PLCB2: variants seen among roughly 807,000 people sequenced by gnomAD.
PLCB2 encodes the protein 1-phosphatidylinositol 4,5-bisphosphate phosphodiesterase beta-2.
PLCB2 carries 115 observed loss-of-function variants against 141.7 expected under a neutral mutation model. The ratio of observed to expected loss-of-function variants is 0.81; its 90% CI spans 0.70 to 0.95. PLCB2 has a LOEUF of 0.95. Ranked by LOEUF, PLCB2 falls within the 40% of genes least tolerant of loss-of-function variation. The pLI is 0.00. For missense variants in PLCB2, 1,403 were observed against 1,541.1 expected (o/e 0.91, Z 1.50); for synonymous variants, 603 against 595.6 (o/e 1.01, Z -0.18).
chr15:40,297,722 C>G lies in PLCB2; in HGVS notation c.1239-117G>C. On this transcript the variant is annotated intron_variant, in intron 12 of 31. Coordinates refer to ENST00000260402, the MANE Select transcript of PLCB2 (RefSeq NM_004573.3). The surrounding 1 kb of genome is among the most constrained non-coding windows in gnomAD (Gnocchi z 4.2). ...CCAGGAGGTCAGGGAGGCTGGGACTCGAGCAGGAGAACATGAGGCCTTAGG... is the reference window on the plus strand; with the variant it reads ...CCAGGAGGTCAGGGAGGCTGGGACTGGAGCAGGAGAACATGAGGCCTTAGG... 1.0e-6 allele frequency: 1 copy of G among 977,018 alleles called. No individual in the cohort carries two copies. The highest frequency in any genetic ancestry group is 1.6e-6 in the Non-Finnish European group (1 of 627,042). The allele number at this position is 977,018 out of a possible 1,614,324, so 60.5% of individuals were successfully genotyped here.
intron 29 of PLCB2, among the ~76,000 whole-genome samples, 157 bp downstream of exon 29, chr15:40,290,420 A>C (rs1159841210): frequency 6.6e-6 from 1 of 152,212 alleles, no homozygotes; most frequent in Non-Finnish European, 1.5e-5. Context: ...TTGTCTGAGG[A>C]GGACACTCTG....
At chr15:40,286,159 C>G (rs1350731483), downstream of PLCB2, 1 of 530,886 alleles carries the variant, frequency 1.9e-6, no homozygotes. Flanking sequence ...GAATTAGAAG[C>G]TGTCGCTTAG....
In PLCB2 at chr15:40,299,218, A is replaced by G; in HGVS notation, c.593T>C (p.Ile198Thr). 1 of 1,612,210 alleles carries G rather than the reference A, an allele frequency of 6.2e-7. No homozygotes were observed. The change falls in exon 8 of 32, where the codon ATC becomes ACC. Residue 198 changes from isoleucine to threonine, a missense_variant. Physicochemically the swap from Ile to Thr is moderately conservative, Grantham distance 89. Transcript: ENST00000260402. ...AGGTTCTGGGAAGTCCTCAGGATTG[A>G]TGGCGTCATTCTAGGGGCATAGTAA... Reference protein sequence around the residue: ...CHLPKGKNDAINPEDFPEPVY... With the variant: ...CHLPKGKNDATNPEDFPEPVY...
At position 40,296,408 on chromosome 15, in the gene PLCB2, G is replaced by T. The variant is rs188752600; in HGVS notation, c.1600-16C>A. 5 of 1,613,680 alleles carry T rather than the reference G, an allele frequency of 3.1e-6. No individual in the cohort carries two copies. In the Admixed American group the frequency reaches 8.3e-5, roughly 27 times the overall value. ...CCGCTGTGCCCTAAGGAGAAGAGGGGAGGGCAAAGAAGAGGAGGATGGTGC... is the reference window on the plus strand; with the variant it reads ...CCGCTGTGCCCTAAGGAGAAGAGGGTAGGGCAAAGAAGAGGAGGATGGTGC... On this transcript the variant is annotated splice_polypyrimidine_tract_variant and intron_variant, in intron 15 of 31. Transcript: ENST00000260402.
At chr15:40,289,106 G>A in intron 31 of PLCB2, 166 bp downstream of exon 31, 1 of 1,014,096 alleles carries the variant, frequency 9.9e-7, no homozygotes, top group Non-Finnish European at 1.4e-6. Flanking sequence ...TCCTAACCAG[G>A]CGGAGATCTG....
chr15:40,301,975 G>A lies in PLCB2; in HGVS notation c.564C>T (p.Cys188=). The A allele has an allele frequency of 2.5e-6, 4 of 1,613,940 alleles. No homozygotes were observed. The highest frequency in any genetic ancestry group is 3.4e-6 in the Non-Finnish European group (4 of 1,179,820). ...RKRVEAALSA[C]HLPKGKNDAI... ...CACTCACTTTGCCTTTGGGGAGGTG[G>A]CAGGCACTGAGAGCAGCTTCCACCC... The change falls in exon 7 of 32, where the codon TGC becomes TGT. Residue 188 remains cysteine, a synonymous_variant. Transcript: ENST00000260402.
chr15:40,289,538 A>G (rs1287420556), intron 30 of PLCB2, 180 bp from the exon 31 acceptor site: 3 of 608,862 alleles, frequency 4.9e-6, no homozygotes, highest in Non-Finnish European at 8.8e-6. Context: ...GTAAAAGATT[A>G]TACAAGACAG....
At position 40,297,866 on chromosome 15, in the gene PLCB2, TG is replaced by T; in HGVS notation, c.1238+10del. On this transcript the variant is annotated intron_variant, in intron 12 of 31. Coordinates refer to ENST00000260402, the MANE Select transcript of PLCB2 (RefSeq NM_004573.3). This position sits in a 1 kb window ranked among gnomAD's most constrained non-coding sequence, Gnocchi z 4.2. ...GGGTGAGAATGTGGCTGAATGGGCC[TG>T]GATACGCACGAGTCCACATGGTTCT... 1 of 1,608,076 alleles carries T rather than the reference TG, an allele frequency of 6.2e-7. No homozygotes were observed. Among genetic ancestry groups the T allele is most frequent in the Non-Finnish European group, 8.5e-7 (1 of 1,174,686 alleles).
chr15:40,290,637 T>G lies in PLCB2; in HGVS notation c.3149A>C (p.Lys1050Thr), dbSNP rs1446259907. Residue 1050 changes from lysine (K) to threonine (T), a missense_variant, in exon 29 of 32, where the codon AAG (lysine) becomes ACG (threonine). By Grantham distance (78) the Lys-to-Thr change is moderately conservative. Transcript: ENST00000260402. The part of the protein sequence containing the change: ...TKEMKKKLET[K>T]RLERIQGMTK... ...CATGCCCTGGATCCGCTCCAGTCTC[T>G]TTGTCTCCAGCTTTTTCTTCATCTC... 1.2e-6 allele frequency: 2 copies of G among 1,614,100 alleles called. No individual in the cohort carries two copies. Among genetic ancestry groups the G allele is most frequent in the East Asian group, 4.5e-5 (2 of 44,864 alleles).
At chr15:40,290,972 G>C in intron 27 of PLCB2, 46 bp downstream of exon 27, 1 of 1,547,246 alleles carries the variant, frequency 6.5e-7, no homozygotes, top group Non-Finnish European at 8.7e-7. Context: ...ATGGGGGGTG[G>C]GGTCGGTGGG....
intron 1 of PLCB2, among the ~76,000 whole-genome samples, chr15:40,305,842 G>A (rs1387779275): frequency 6.6e-6 from 1 of 152,192 alleles, no homozygotes; most frequent in Admixed American, 6.5e-5. Context: ...TGCCTAGAGG[G>A]GCCTTGAGCA....
intron 18 of PLCB2, 146 bp from the exon 19 acceptor site, chr15:40,294,566 G>A (rs560529985): frequency 1.3e-6 from 1 of 782,546 alleles, no homozygotes; most frequent in African/African-American, 1.7e-5. Flanking sequence ...TCCCAGTCTG[G>A]TTCCTTGCAG....
At chr15:40,298,035 T>G in intron 11 of PLCB2, 76 bp from the exon 12 acceptor site, 1 of 1,260,532 alleles carries the variant, frequency 7.9e-7, no homozygotes, top group Non-Finnish European at 1.1e-6. Flanking sequence ...TTTTCCCCCC[T>G]GCCTAGTTTC....
rs1304264999 is a variant in PLCB2 at position 40,296,316 on chromosome 15, A to C, written c.1676T>G (p.Val559Gly). The change falls in exon 16 of 32, where the codon GTC (valine) becomes GGC (glycine). Residue 559 changes from valine (V) to glycine (G), a missense_variant. Physicochemically the swap from Val to Gly is moderately radical, Grantham distance 109. Around this residue, in one of 4 missense-constraint regions of PLCB2, gnomAD observed 975 missense variants for 1,141.1 expected, o/e 0.85. Coordinates refer to ENST00000260402, the MANE Select transcript of PLCB2 (RefSeq NM_004573.3). ...CTTACGGGCAGAGAACTCAAAGGAGACGAACTTGGTGGGCTGGATGTAATT... is the reference window on the plus strand; with the variant it reads ...CTTACGGGCAGAGAACTCAAAGGAGCCGAACTTGGTGGGCTGGATGTAATT... ...LVNYIQPTKF[V>G]SFEFSAQKNR... is the part of the protein sequence containing the mutation. The C allele has an allele frequency of 6.2e-7, 1 of 1,613,414 alleles. No individual in the cohort carries two copies. Among genetic ancestry groups the C allele is most frequent in the Non-Finnish European group, 8.5e-7 (1 of 1,179,704 alleles).
intron 3 of PLCB2, 53 bp downstream of exon 3, chr15:40,303,233 GCC>G: frequency 7.8e-7 from 1 of 1,288,980 alleles, no homozygotes; most frequent in Non-Finnish European, 1.1e-6. Flanking sequence ...CCCTGCCCTT[GCC>G]CCATGGAGCT....
intron 10 of PLCB2, 23 bp from the exon 11 acceptor site, chr15:40,298,403 G>A: frequency 6.3e-7 from 1 of 1,575,716 alleles, no homozygotes; most frequent in South Asian, 1.2e-5. Context: ...ATGGGGAAGA[G>A]GTGAGGGCAT....
At chr15:40,294,159 T>G (rs531742782) in intron 19 of PLCB2, 107 bp downstream of exon 19, 1 of 1,149,788 alleles carries the variant, frequency 8.7e-7, no homozygotes, top group Admixed American at 1.9e-5. Context: ...GGCTGAAGTT[T>G]CCAGGATATC....
rs2040093426 is a variant in PLCB2 at position 40,294,372 on chromosome 15, C to T, written c.1955G>A (p.Ser652Asn). Reference sequence around the variant, plus strand: ...GAACTCATGCTTGAGGAGGTAGCCGCTCTGCCCGTTGAACTCAAATACTGC... The same window carrying T: ...GAACTCATGCTTGAGGAGGTAGCCGTTCTGCCCGTTGAACTCAAATACTGC... ...NMAVFEFNGQSGYLLKHEFMR... is the reference protein window; with the variant it reads ...NMAVFEFNGQNGYLLKHEFMR... The change falls in exon 19 of 32, where the codon AGC becomes AAC. Residue 652 changes from serine to asparagine, a missense_variant. Coordinates refer to ENST00000260402, the MANE Select transcript of PLCB2 (RefSeq NM_004573.3). 1 of 1,614,098 alleles carries T rather than the reference C, an allele frequency of 6.2e-7. No homozygotes were observed. Among genetic ancestry groups the T allele is most frequent in the Admixed American group, 1.7e-5 (1 of 60,010 alleles).
rs1264563556 is a variant in PLCB2 at position 40,289,968 on chromosome 15, A to AGAGT, written c.3267+56_3267+57insACTC. 18 of 525,158 alleles carry AGAGT rather than the reference A, an allele frequency of 3.4e-5. No homozygotes were observed. In the African/African-American group the frequency reaches 3.9e-4, roughly 11 times the overall value. 32.5% of individuals were successfully genotyped at this position (525,158 alleles called of 1,614,324 possible). A position where few individuals can be genotyped will look rare whatever the true frequency, so the allele number is the denominator to read the frequency against. On this transcript the variant is annotated intron_variant, in intron 30 of 31. Coordinates refer to ENST00000260402, the MANE Select transcript of PLCB2 (RefSeq NM_004573.3). The stretch of plus-strand genomic sequence containing the variant: ...GAGAGAGAGAGAGAGAGAGAGAGAG[A>AGAGT]GTGTGTGTGTGTGTGTGTGTGTGTG...
Sources: gnomAD v4.1 joint callset for allele counts (sites outside exome capture counted in the v4.1 genomes callset) on GRCh38, gnomAD v4.1.1 for gene constraint, gnomAD v4.1.1 regional missense constraint, Gnocchi (gnomAD v3.1) non-coding constraint, MANE v1.5 for transcripts, NCBI Gene and HGNC (gene_info 2026-07-23, HGNC 2026-07-21) for gene names.